EVI5: variants seen among roughly 807,000 people sequenced by gnomAD.
EVI5 encodes the protein ecotropic viral integration site 5 protein homolog.
EVI5 carries 73 observed loss-of-function variants against 112.0 expected under a neutral mutation model. The observed-to-expected ratio is 0.65, with a 90% CI of 0.54 to 0.79. The LOEUF (loss-of-function observed/expected upper bound fraction) is 0.79, where lower values mean the gene tolerates loss of function less well. Among genes scored for constraint, EVI5 ranks in the 30% least tolerant of loss-of-function variants. The probability of loss-of-function intolerance (pLI) is 0.00; values close to 1 mark genes in which losing one functional copy is unlikely to be tolerated. For synonymous variants in EVI5, 305 were observed against 319.9 expected, an observed-to-expected ratio of 0.95 and a Z score of 0.50; for missense variants, 900 against 968.8, an observed-to-expected ratio of 0.93 and a Z score of 0.94.
intron 1 of EVI5, among the ~76,000 whole-genome samples, chr1:92,778,599 A>T (rs1019417419): frequency 2.0e-5 from 3 of 152,182 alleles, no homozygotes; most frequent in African/African-American, 7.2e-5. Context: ...ACTCTCTGGA[A>T]AATATGACTG....
At chr1:92,774,431 A>G (rs1004396774) in intron 1 of EVI5, among the ~76,000 whole-genome samples, 1 of 152,246 alleles carries the variant, frequency 6.6e-6, no homozygotes, top group African/African-American at 2.4e-5. Flanking sequence ...CATACAAAAG[A>G]TTCAGGCCAA....
At chr1:92,725,982 T>C (rs1425897908) in intron 2 of EVI5, among the ~76,000 whole-genome samples, 2 of 152,166 alleles carry the variant, frequency 1.3e-5, no homozygotes, top group African/African-American at 4.8e-5. Context: ...ATGGGATTAA[T>C]AGCAACTTAG....
intron 1 of EVI5, among the ~76,000 whole-genome samples, chr1:92,763,109 T>C (rs1347188220): frequency 2.0e-5 from 3 of 151,876 alleles, no homozygotes; most frequent in African/African-American, 4.8e-5. Flanking sequence ...TCTCTACAAA[T>C]AAATTAAAAA....
rs770740735 is a variant in EVI5, at chr1:92,693,825, T to C, written c.1074A>G (p.Lys358=). The C allele has an allele frequency of 6.3e-7, 1 of 1,599,324 alleles. No individual in the cohort carries two copies. The highest frequency in any genetic ancestry group is 8.6e-7 in the Non-Finnish European group (1 of 1,168,080). The change falls in exon 9 of 20, where the codon AAA becomes AAG. Residue 358 remains lysine (K), a synonymous_variant. Coordinates refer to ENST00000684568, the MANE Select transcript of EVI5 (RefSeq NM_001350197.2). ...ACTTTTTCATTTTTTTTGAATTGTA[T>C]TTGACTTGGTAAGCTGCTTGGATTA... is the stretch of plus-strand genomic sequence containing the variant. ...DKLIQAAYQV[K]YNSKKMKKLE...
upstream of EVI5, among the ~76,000 whole-genome samples, chr1:92,785,402 G>A (rs1244343760): frequency 1.3e-5 from 2 of 152,242 alleles, no homozygotes; most frequent in Admixed American, 6.5e-5. Context: ...TAGGACTGCA[G>A]GCCTCGCGCT....
chr1:92,652,046 C>T (rs1045923923), intron 13 of EVI5, among the ~76,000 whole-genome samples: 1 of 152,054 alleles, frequency 6.6e-6, no homozygotes, highest in Admixed American at 6.6e-5. Context: ...ACTTATAGGG[C>T]AATGTTCATA....
chr1:92,582,822 T>C (rs929532406), intron 18 of EVI5, among the ~76,000 whole-genome samples: 1 of 152,164 alleles, frequency 6.6e-6, no homozygotes, highest in Non-Finnish European at 1.5e-5. Context: ...ATTATAATGA[T>C]AATCATATAA....
chr1:92,777,420 C>G (rs900086417), intron 1 of EVI5, among the ~76,000 whole-genome samples: 1 of 152,138 alleles, frequency 6.6e-6, no homozygotes, highest in Non-Finnish European at 1.5e-5. Context: ...CTGGACAATT[C>G]CTTTAGAGAA....
At position 92,526,529 on chromosome 1, in the gene EVI5, G is replaced by A. The variant is rs1661913188; in HGVS notation, c.2167-12559C>T. 3.9e-5 allele frequency among the ~76,000 whole-genome samples: 6 copies of A among 152,220 alleles called. No homozygotes were observed. The South Asian group carries it at 1.2e-3, about 32-fold the overall frequency. ...TAAGCAGTTTAATATTAGTGTATGA[G>A]GGTGTTTGGGTTAGGGGGAGTGACA... On this transcript the variant is annotated intron_variant, in intron 19 of 19. Coordinates refer to ENST00000684568, the MANE Select transcript of EVI5 (RefSeq NM_001350197.2).
chr1:92,749,200 G>A, intron 1 of EVI5: 1 of 314,674 alleles, frequency 3.2e-6, no homozygotes, highest in Non-Finnish European at 6.3e-6. Flanking sequence ...TCCAGTAGAG[G>A]GCACACTCTT....
rs1557886813 is a variant in EVI5, at chr1:92,606,924, C to CACACCCA, written c.1974+656_1974+657insTGGGTGT. Among the ~76,000 whole-genome samples, 206 of 91,496 alleles carry CACACCCA rather than the reference C, an allele frequency of 2.3e-3. 1 individual carries two copies. The highest frequency in any genetic ancestry group is 6.7e-3 in the African/African-American group (188 of 28,050). The allele number at this position is 91,496 out of a possible 152,430, so 60.0% of individuals were successfully genotyped here. On this transcript the variant is annotated intron_variant, in intron 17 of 19. Transcript: ENST00000684568. ...CACACACACACACACACACACACAC[C>CACACCCA]CCCCCAAACCCTCCCTCCTCTCCTT...
At position 92,575,559 on chromosome 1, in the gene EVI5, C is replaced by CT. The variant is rs57088252; in HGVS notation, c.2071-11823dup. ...TTTTAATCTACAAGAGTCCCTGTGC[C>CT]TTTTTTTTTTTTTTTTTTTTTTTTT... On this transcript the variant is annotated intron_variant, in intron 18 of 19. Coordinates refer to ENST00000684568, the MANE Select transcript of EVI5 (RefSeq NM_001350197.2). Among the ~76,000 whole-genome samples the CT allele has an allele frequency of 6.6e-4, 49 of 73,752 alleles. 1 individual carries two copies. The highest frequency in any genetic ancestry group is 9.9e-4 in the Non-Finnish European group (41 of 41,214). 48.4% of individuals were successfully genotyped at this position (73,752 alleles called of 152,430 possible).
chr1:92,514,358 G>A (rs1464736113), intron 19 of EVI5, among the ~76,000 whole-genome samples: 1 of 152,058 alleles, frequency 6.6e-6, no homozygotes, highest in Non-Finnish European at 1.5e-5. Flanking sequence ...GTTTCACCAT[G>A]TTGCCCAGGC....
rs1273369441 is a variant in EVI5, at chr1:92,623,215, C to T, written c.1827+961G>A. Among the ~76,000 whole-genome samples, 7 of 151,774 alleles carry T rather than the reference C, an allele frequency of 4.6e-5. No individual in the cohort carries two copies. The East Asian group carries it at 5.8e-4, about 13-fold the overall frequency. ...ATTTTAATTATACTGAATAAAATAA[C>T]GTGTGGAAAGTATTTTATATAGAAT... On this transcript the variant is annotated intron_variant, in intron 16 of 19. Coordinates refer to ENST00000684568, the MANE Select transcript of EVI5 (RefSeq NM_001350197.2).
chr1:92,721,519 G>A (rs1439326854), intron 2 of EVI5, among the ~76,000 whole-genome samples: 1 of 152,170 alleles, frequency 6.6e-6, no homozygotes, highest in African/African-American at 2.4e-5. Context: ...ACACCCTGGT[G>A]CCTGTCAAGG....
chr1:92,649,491 T>C (rs569541655), intron 13 of EVI5, among the ~76,000 whole-genome samples: 2 of 152,346 alleles, frequency 1.3e-5, no homozygotes, highest in African/African-American at 2.4e-5. Context: ...CAGGGTTTTA[T>C]GGCTTTAAAA....
At chr1:92,673,185 C>CTCTTT (rs552182403) in intron 10 of EVI5, among the ~76,000 whole-genome samples, 1 of 123,588 alleles carries the variant, frequency 8.1e-6, no homozygotes, top group African/African-American at 3.2e-5. Flanking sequence ...TAACACTTCT[C>CTCTTT]TTTTTTTTTT....
At chr1:92,624,806 T>C (rs189721488) in intron 15 of EVI5, among the ~76,000 whole-genome samples, 15 of 151,920 alleles carry the variant, frequency 9.9e-5, no homozygotes, top group Admixed American at 9.8e-4. Flanking sequence ...TAAACAACTT[T>C]AGGAAGCATC....
At chr1:92,756,196 C>T (rs780011831) in intron 1 of EVI5, 34 of 404,708 alleles carry the variant, frequency 8.4e-5, no homozygotes, top group Admixed American at 1.5e-4. Context: ...ACATGTGTAA[C>T]TCTTATCATT....
Sources: gnomAD v4.1 joint callset for allele counts (sites outside exome capture counted in the v4.1 genomes callset) on GRCh38, gnomAD v4.1.1 for gene constraint, MANE v1.5 for transcripts, NCBI Gene and HGNC (gene_info 2026-07-23, HGNC 2026-07-21) for gene names.